The following ST6GALNAC5 variants were observed in gnomAD, a reference collection of about 807,000 sequenced individuals.
The protein encoded by ST6GALNAC5 is ST6 N-acetylgalactosaminide alpha-2,6-sialyltransferase 5, also known as alpha-N-acetylgalactosaminide alpha-2,6-sialyltransferase 5.
A neutral mutation model predicts 33.6 loss-of-function variants in ST6GALNAC5; 27 were observed. That is an observed-to-expected ratio of 0.80 (90% CI 0.59 to 1.11). The LOEUF is 1.11. ST6GALNAC5 is among the 50% of genes least tolerant of loss of function. The pLI is 0.00. For missense variants in ST6GALNAC5, 428 were observed against 454.0 expected, an observed-to-expected ratio of 0.94 and a Z score of 0.52; for synonymous variants, 194 against 171.2, an observed-to-expected ratio of 1.13 and a Z score of -1.04.
intron 2 of ST6GALNAC5, among the ~76,000 whole-genome samples, chr1:76,963,535 A>G (rs2100353412): frequency 6.6e-6 from 1 of 152,320 alleles, no homozygotes; most frequent in Non-Finnish European, 1.5e-5. Flanking sequence ...GGGTGTCCAA[A>G]TCACAAGCCT....
In ST6GALNAC5 at chr1:77,064,279, A is replaced by G. The variant is rs1188337879; in HGVS notation, c.*1073A>G. ...CTTTATTTTGGGGAGCCTTATCTAC[A>G]TTCATATTACTTATATCACTCTTGT... On this transcript the variant is annotated 3_prime_UTR_variant, in exon 5 of 5. Coordinates refer to ENST00000477717, the MANE Select transcript of ST6GALNAC5 (RefSeq NM_030965.3). The G allele has an allele frequency of 6.6e-6, 1 of 152,054 alleles. No homozygotes were observed. The highest frequency in any genetic ancestry group is 2.4e-5 in the African/African-American group (1 of 41,392). The allele number at this position is 152,054 out of a possible 1,614,324, so 9.4% of individuals were successfully genotyped here.
At chr1:76,898,006 C>T (rs950605491) in intron 2 of ST6GALNAC5, among the ~76,000 whole-genome samples, 2 of 152,222 alleles carry the variant, frequency 1.3e-5, no homozygotes, top group Non-Finnish European at 1.5e-5. Flanking sequence ...GTCTACGGGG[C>T]TTCCGAGGCA....
chr1:76,951,042 A>G (rs1317584517), intron 2 of ST6GALNAC5, among the ~76,000 whole-genome samples: 2 of 152,138 alleles, frequency 1.3e-5, no homozygotes, highest in African/African-American at 4.8e-5. Flanking sequence ...ACTACAAGCA[A>G]ATTGAAACTG....
chr1:77,009,038 C>G (rs1650531453), intron 2 of ST6GALNAC5, among the ~76,000 whole-genome samples: 2 of 152,300 alleles, frequency 1.3e-5, no homozygotes, highest in South Asian at 2.1e-4. Flanking sequence ...TACTTGGGCT[C>G]TTGGCCACTA....
At chr1:76,885,144 T>C (rs1401143502) in intron 2 of ST6GALNAC5, among the ~76,000 whole-genome samples, 2 of 152,150 alleles carry the variant, frequency 1.3e-5, no homozygotes. Flanking sequence ...TCAGCACTAT[T>C]TTATGCAAAC....
chr1:76,927,225 T>C (rs1189409047), intron 2 of ST6GALNAC5, among the ~76,000 whole-genome samples: 1 of 152,102 alleles, frequency 6.6e-6, no homozygotes, highest in Non-Finnish European at 1.5e-5. Context: ...AATATTGTAT[T>C]GCTTTTGTTT....
At chr1:76,941,557 T>C (rs1248904790) in intron 2 of ST6GALNAC5, among the ~76,000 whole-genome samples, 1 of 152,094 alleles carries the variant, frequency 6.6e-6, no homozygotes, top group Non-Finnish European at 1.5e-5. Context: ...AATTTAAGGC[T>C]CTTCAAATGA....
At chr1:76,999,639 C>A (rs575081260) in intron 2 of ST6GALNAC5, among the ~76,000 whole-genome samples, 1 of 151,156 alleles carries the variant, frequency 6.6e-6, no homozygotes, top group Middle Eastern at 3.4e-3. Context: ...ATCCCTCCCC[C>A]CTGCCCCCAC....
chr1:77,037,415 T>C (rs1164419529), intron 2 of ST6GALNAC5, among the ~76,000 whole-genome samples: 1 of 152,040 alleles, frequency 6.6e-6, no homozygotes, highest in Non-Finnish European at 1.5e-5. Context: ...GAAGGAGTGA[T>C]GGGGCAAGAG....
chr1:77,026,791 C>CTGAA (rs58272106), intron 2 of ST6GALNAC5, among the ~76,000 whole-genome samples: 15,076 of 149,230 alleles, frequency 0.1, 789 homozygotes, highest in Middle Eastern at 0.12. Flanking sequence ...AGAACACTTT[C>CTGAA]TGAATGAATG....
At chr1:76,942,884 G>T (rs573312960) in intron 2 of ST6GALNAC5, among the ~76,000 whole-genome samples, 2 of 152,002 alleles carry the variant, frequency 1.3e-5, no homozygotes, top group Non-Finnish European at 2.9e-5. Flanking sequence ...CACAGTATCT[G>T]ATTTATACTG....
At position 76,930,556 on chromosome 1, in the gene ST6GALNAC5, C is replaced by T. The variant is rs1269824927; in HGVS notation, c.261+61814C>T. Among the ~76,000 whole-genome samples the T allele has an allele frequency of 2.0e-5, 3 of 152,120 alleles. No homozygotes were observed. In the East Asian group the frequency reaches 5.8e-4, roughly 29 times the overall value. On this transcript the variant is annotated intron_variant, in intron 2 of 4. Transcript: ENST00000477717. ...CAGGTGGAAGGAAAGGAGCAAAACTCAAATATATTAATTTCATTACTCTCT... is the reference window on the plus strand; with the variant it reads ...CAGGTGGAAGGAAAGGAGCAAAACTTAAATATATTAATTTCATTACTCTCT...
At chr1:77,020,528 G>C (rs1206003487) in intron 2 of ST6GALNAC5, among the ~76,000 whole-genome samples, 1 of 152,038 alleles carries the variant, frequency 6.6e-6, no homozygotes, top group Admixed American at 6.5e-5. Context: ...AGCTCCCCAA[G>C]TAGCTGGGAC....
intron 2 of ST6GALNAC5, among the ~76,000 whole-genome samples, chr1:77,009,634 A>G (rs12124244): frequency 0.2 from 30,408 of 152,046 alleles, 3,586 homozygotes; most frequent in African/African-American, 0.33. Context: ...CCATGTGACA[A>G]GAAGCTGATC....
chr1:76,895,034 C>A (rs913899555), intron 2 of ST6GALNAC5, among the ~76,000 whole-genome samples: 5 of 152,114 alleles, frequency 3.3e-5, no homozygotes, highest in Non-Finnish European at 4.4e-5. Flanking sequence ...AGTAGGGGAG[C>A]TTTTGAGCCA....
In ST6GALNAC5 at chr1:76,939,661, TTGA is replaced by T. The variant is rs531662881; in HGVS notation, c.261+70925_261+70927del. 3.7e-4 allele frequency among the ~76,000 whole-genome samples: 56 copies of T among 152,124 alleles called. No individual in the cohort carries two copies. The South Asian group carries it at 0.01, about 28-fold the overall frequency. On this transcript the variant is annotated intron_variant, in intron 2 of 4. Transcript: ENST00000477717. ...CACCAACTACAAATCACTGAGAGGG[TTGA>T]TGATGTGATCTGTACGCATAGTGGT...
chr1:76,938,503 T>C (rs1020632003), intron 2 of ST6GALNAC5, among the ~76,000 whole-genome samples: 2 of 152,082 alleles, frequency 1.3e-5, no homozygotes, highest in Non-Finnish European at 2.9e-5. Flanking sequence ...TCCAGAGAGC[T>C]TATTTCCATT....
intron 2 of ST6GALNAC5, among the ~76,000 whole-genome samples, chr1:76,983,023 G>A (rs886911784): frequency 2.6e-5 from 4 of 151,970 alleles, no homozygotes; most frequent in African/African-American, 9.7e-5. Context: ...ACTAAACATG[G>A]AAAGGAACAA....
chr1:77,067,171 G>A lies in ST6GALNAC5; in HGVS notation c.*3965G>A, dbSNP rs1232625615. ...AATAATAAGCCCTGGGGGGCAGGAT[G>A]TGTGAACCAATTGCCTAGGTGTTAG... On this transcript the variant is annotated 3_prime_UTR_variant, in exon 5 of 5. Transcript: ENST00000477717. Among the ~76,000 whole-genome samples the A allele has an allele frequency of 6.6e-6, 1 of 152,132 alleles. No individual in the cohort carries two copies. Among genetic ancestry groups the A allele is most frequent in the Non-Finnish European group, 1.5e-5 (1 of 68,026 alleles).
Sources: allele counts gnomAD v4.1 joint callset (sites outside exome capture counted in the v4.1 genomes callset), GRCh38; gene constraint gnomAD v4.1.1; transcripts MANE v1.5; gene names NCBI Gene and HGNC (gene_info 2026-07-23, HGNC 2026-07-21).